PPP1R1C: variants seen among roughly 807,000 people sequenced by gnomAD.
PPP1R1C encodes protein phosphatase 1 regulatory inhibitor subunit 1C.
PPP1R1C carries 15 observed loss-of-function variants against 17.4 expected under a neutral mutation model. That is an observed-to-expected ratio of 0.86 (90% CI 0.58 to 1.33). The LOEUF (loss-of-function observed/expected upper bound fraction) is 1.33. PPP1R1C is among the 40% of genes most tolerant of loss of function. PPP1R1C has a pLI of 0.00. For missense variants in PPP1R1C, 143 were observed against 130.0 expected (o/e 1.10, Z -0.48); for synonymous variants, 35 against 43.1 (o/e 0.81, Z 0.73).
At chr2:181,993,144 G>A (rs1408654272) in intron 2 of PPP1R1C, among the ~76,000 whole-genome samples, 6 of 152,146 alleles carry the variant, frequency 3.9e-5, no homozygotes, top group Non-Finnish European at 5.9e-5. Flanking sequence ...TGTTCAAAAC[G>A]CAAGGGGGCT....
rs1214452764 is a variant in PPP1R1C, at chr2:182,076,188, TTTTCTTTTC to T, written c.241+12401_241+12409del. ...TAAATCAAGGATTTTGAACTTTTTT[TTTTCTTTTC>T]TTTTTTTTTTTTTTTTTTTTTTTTT... On this transcript the variant is annotated intron_variant, in intron 4 of 4. Transcript: ENST00000682840. Among the ~76,000 whole-genome samples, 37 of 123,288 alleles carry T rather than the reference TTTTCTTTTC, an allele frequency of 3.0e-4. 4 individuals are homozygous for T. The highest frequency in any genetic ancestry group is 1.3e-3 in the African/African-American group (35 of 27,680). 80.9% of individuals were successfully genotyped at this position (123,288 alleles called of 152,430 possible). A position where few individuals can be genotyped will look rare whatever the true frequency, so the allele number is the denominator to read the frequency against.
intron 4 of PPP1R1C, among the ~76,000 whole-genome samples, chr2:182,097,922 C>T (rs1172692241): frequency 6.6e-6 from 1 of 152,166 alleles, no homozygotes; most frequent in Non-Finnish European, 1.5e-5. Flanking sequence ...CATCTTGAGA[C>T]ATATCTCTTC....
At chr2:182,079,931 A>G (rs556408372) in intron 4 of PPP1R1C, among the ~76,000 whole-genome samples, 14 of 152,032 alleles carry the variant, frequency 9.2e-5, no homozygotes, top group South Asian at 2.1e-4. Flanking sequence ...CAGTTATTGG[A>G]TTTAGAATAT....
intron 1 of PPP1R1C, among the ~76,000 whole-genome samples, chr2:181,959,474 C>T (rs1684728201): frequency 6.6e-6 from 1 of 152,178 alleles, no homozygotes; most frequent in South Asian, 2.1e-4. Context: ...TTTCATGCTA[C>T]ATAACCCATC....
At chr2:182,124,668 G>A (rs1015513311) in intron 5 of PPP1R1C, among the ~76,000 whole-genome samples, 82 of 152,196 alleles carry the variant, frequency 5.4e-4, no homozygotes, top group Non-Finnish European at 8.8e-4. Flanking sequence ...AATTGTGAAT[G>A]GGTGTTCACA....
At chr2:182,028,500 G>A (rs1401657934) in intron 2 of PPP1R1C, among the ~76,000 whole-genome samples, 22 of 152,174 alleles carry the variant, frequency 1.4e-4, no homozygotes, top group Non-Finnish European at 2.2e-4. Flanking sequence ...AGGTTCTTCA[G>A]TTTCCATGTA....
chr2:182,069,949 C>A (rs1688094533), intron 4 of PPP1R1C, among the ~76,000 whole-genome samples: 1 of 152,112 alleles, frequency 6.6e-6, no homozygotes, highest in Admixed American at 6.5e-5. Flanking sequence ...TGAGCCTTTG[C>A]CATGTGTGGA....
At chr2:182,026,363 A>G (rs1686610794) in intron 2 of PPP1R1C, among the ~76,000 whole-genome samples, 1 of 141,496 alleles carries the variant, frequency 7.1e-6, no homozygotes, top group African/African-American at 2.6e-5. Flanking sequence ...TAAGTCTTTA[A>G]TCCATCTTGA....
intron 4 of PPP1R1C, among the ~76,000 whole-genome samples, chr2:182,101,286 A>T (rs2125227784): frequency 6.6e-6 from 1 of 152,334 alleles, no homozygotes; most frequent in South Asian, 2.1e-4. Flanking sequence ...ATACACAGAA[A>T]CAATGCTACC....
intron 2 of PPP1R1C, among the ~76,000 whole-genome samples, chr2:182,008,101 TA>T (rs1685984310): frequency 7.4e-6 from 1 of 135,600 alleles, no homozygotes; most frequent in Non-Finnish European, 1.6e-5. Context: ...AAAAATAAAA[TA>T]AAATGAAATC....
At chr2:182,040,982 G>T (rs189607261) in intron 2 of PPP1R1C, among the ~76,000 whole-genome samples, 2 of 152,066 alleles carry the variant, frequency 1.3e-5, no homozygotes, top group South Asian at 2.1e-4. Flanking sequence ...TTTATTTCTG[G>T]GTTCTCTATT....
At chr2:181,979,775 T>C (rs547468372) in intron 2 of PPP1R1C, among the ~76,000 whole-genome samples, 16 of 152,256 alleles carry the variant, frequency 1.1e-4, no homozygotes, top group Non-Finnish European at 2.1e-4. Flanking sequence ...TAAAAATCAC[T>C]TCTTTGCATA....
chr2:182,093,186 C>T (rs930832046), intron 4 of PPP1R1C, among the ~76,000 whole-genome samples: 4 of 152,216 alleles, frequency 2.6e-5, no homozygotes, highest in Non-Finnish European at 4.4e-5. Context: ...TCAGGCTCAA[C>T]ACCATGTAGA....
At chr2:182,052,803 T>C (rs900574089) in intron 2 of PPP1R1C, among the ~76,000 whole-genome samples, 1 of 152,256 alleles carries the variant, frequency 6.6e-6, no homozygotes, top group Non-Finnish European at 1.5e-5. Flanking sequence ...ATTAACATGT[T>C]TGAATATTTT....
intron 2 of PPP1R1C, among the ~76,000 whole-genome samples, chr2:182,022,715 A>G (rs1251350443): frequency 6.6e-6 from 1 of 152,250 alleles, no homozygotes; most frequent in East Asian, 1.9e-4. Context: ...GGATCTTAGT[A>G]GAAGCTTGAG....
chr2:181,960,267 AAAC>A (rs1684747683), intron 1 of PPP1R1C, among the ~76,000 whole-genome samples: 1 of 152,216 alleles, frequency 6.6e-6, no homozygotes, highest in Admixed American at 6.5e-5. Context: ...AAATTACAGA[AAAC>A]AACAACAATT....
rs138450143 is a variant in PPP1R1C, at chr2:181,972,473, G to A, written n.112-2746G>A. Among the ~76,000 whole-genome samples the A allele has an allele frequency of 6.4e-3, 972 of 151,764 alleles. 7 individuals are homozygous for A. The highest frequency in any genetic ancestry group is 0.022 in the African/African-American group (924 of 41,288). ...TATTCATCCATTATATAAATTATTC[G>A]TGTAATTACTTTTTAATAGGACAAA... On this transcript the variant is annotated intron_variant and non_coding_transcript_variant, in intron 1 of 5. Transcript: ENST00000464264.
rs74357115 is a variant in PPP1R1C at position 182,045,186 on chromosome 2, C to T, written c.143-16256C>T. The stretch of plus-strand genomic sequence containing the variant: ...GAAACTGCATGAAGGTTAAGATTTT[C>T]GGGATAGGTAAAAATAGCAAGAGCT... On this transcript the variant is annotated intron_variant, in intron 2 of 4. Transcript: ENST00000682840. Among the ~76,000 whole-genome samples, 69 of 152,156 alleles carry T rather than the reference C, an allele frequency of 4.5e-4. 2 individuals are homozygous for T. The East Asian group carries it at 7.5e-3, about 17-fold the overall frequency.
At chr2:182,060,885 C>A (rs538473492) in intron 2 of PPP1R1C, among the ~76,000 whole-genome samples, 5 of 152,256 alleles carry the variant, frequency 3.3e-5, no homozygotes, top group African/African-American at 1.2e-4. Flanking sequence ...CTCACCGTTC[C>A]TCACAACCCT....
Sources: gnomAD v4.1 joint callset for allele counts (sites outside exome capture counted in the v4.1 genomes callset) on GRCh38, gnomAD v4.1.1 for gene constraint, MANE v1.5 for transcripts, NCBI Gene and HGNC (gene_info 2026-07-23, HGNC 2026-07-21) for gene names.